The following SGCB variants were observed in gnomAD, a reference collection of about 807,000 sequenced individuals.
The protein encoded by SGCB is beta-sarcoglycan.
A neutral mutation model predicts 27.3 loss-of-function variants in SGCB; 25 were observed. That is an observed-to-expected ratio of 0.92 (90% CI 0.67 to 1.28). The LOEUF (loss-of-function observed/expected upper bound fraction) is 1.28, where lower values mean the gene tolerates loss of function less well. SGCB is among the 50% of genes most tolerant of loss of function. The pLI, the probability that SGCB is intolerant of heterozygous loss-of-function variation, is 0.00. For synonymous variants in SGCB, 147 were observed against 133.5 expected, an observed-to-expected ratio of 1.10 and a Z score of -0.70; for missense variants, 436 against 402.1, an observed-to-expected ratio of 1.08 and a Z score of -0.72.
At chr4:52,024,797 C>T (rs1332411139) in intron 5 of SGCB, among the ~76,000 whole-genome samples, 2 of 132,278 alleles carry the variant, frequency 1.5e-5, no homozygotes. Flanking sequence ...CGCTGCACTC[C>T]AGCCTGGGTG....
chr4:52,028,134 T>G (rs750590309), intron 4 of SGCB, 35 bp from the exon 5 acceptor site: 2 of 1,525,708 alleles, frequency 1.3e-6, no homozygotes, highest in Non-Finnish European at 1.8e-6. Flanking sequence ...AAAAAGAGTT[T>G]CTAAATTAAT....
At chr4:52,031,764 C>T (rs1197215272) in intron 2 of SGCB, 4 of 320,582 alleles carry the variant, frequency 1.2e-5, no homozygotes, top group African/African-American at 6.5e-5. Context: ...TGATCCCTGG[C>T]TCAGTATTCA....
intron 5 of SGCB, among the ~76,000 whole-genome samples, chr4:52,024,383 A>G (rs951990598): frequency 6.6e-6 from 1 of 152,210 alleles, no homozygotes; most frequent in African/African-American, 2.4e-5. Context: ...AATCTGCAAC[A>G]TAATTCCTCT....
intron 5 of SGCB, among the ~76,000 whole-genome samples, chr4:52,024,401 GT>G (rs1325308154): frequency 1.3e-5 from 2 of 152,126 alleles, no homozygotes; most frequent in Non-Finnish European, 2.9e-5. Context: ...TCTATTGTTA[GT>G]TAAAATTACA....
intron 4 of SGCB, 62 bp from the exon 5 acceptor site, chr4:52,028,161 GAGAT>G: frequency 7.5e-7 from 1 of 1,327,708 alleles, no homozygotes; most frequent in Non-Finnish European, 1.1e-6. Flanking sequence ...ATTGTTATCA[GAGAT>G]AGAGAAATAG....
At chr4:52,034,581 A>G (rs1170314889) in intron 1 of SGCB, among the ~76,000 whole-genome samples, 7 of 152,038 alleles carry the variant, frequency 4.6e-5, no homozygotes, top group South Asian at 4.1e-4. Context: ...TTGAGCATCA[A>G]TGGATTTGGC....
chr4:52,024,496 A>C (rs1476884359), intron 5 of SGCB, among the ~76,000 whole-genome samples: 2 of 152,164 alleles, frequency 1.3e-5, no homozygotes, highest in African/African-American at 2.4e-5. Flanking sequence ...GAACTATAAC[A>C]AAGGTACTGA....
chr4:52,031,120 T>TTA (rs1737232220), intron 2 of SGCB, among the ~76,000 whole-genome samples: 1 of 152,128 alleles, frequency 6.6e-6, no homozygotes, highest in Non-Finnish European at 1.5e-5. Flanking sequence ...AATAATGGCC[T>TTA]TGTTGTGTCT....
rs225170 is a variant in SGCB at position 52,029,884 on chromosome 4, A to G, written c.244-21T>C. The G allele has an allele frequency of 0.52, 834,057 of 1,589,616 alleles. 228,198 individuals carry two copies. The highest frequency in any genetic ancestry group is 0.58 in the Admixed American group (35,032 of 59,938). On this transcript the variant is annotated intron_variant, in intron 2 of 5. Transcript: ENST00000381431. Reference sequence around the variant, plus strand: ...GTTATCTGAAAAAGAACACAAGTCCACTGTTGGTAGGCCGCATACATTTAA... The same window carrying G: ...GTTATCTGAAAAAGAACACAAGTCCGCTGTTGGTAGGCCGCATACATTTAA...
chr4:52,037,698 G>A (rs1737432331), intron 1 of SGCB, among the ~76,000 whole-genome samples: 1 of 152,196 alleles, frequency 6.6e-6, no homozygotes, highest in Non-Finnish European at 1.5e-5. Context: ...ACAGGAGATA[G>A]TTTTAGACTG....
rs768838951 is a variant in SGCB, at chr4:52,038,236, AGCCGCCGCC to A, written c.15_23del (p.Ala7_Ala9del). 3.9e-6 allele frequency: 5 copies of A among 1,286,252 alleles called. No individual in the cohort carries two copies. The highest frequency in any genetic ancestry group is 6.7e-5 in the East Asian group (2 of 29,916). The allele number at this position is 1,286,252 out of a possible 1,614,324, so 79.7% of individuals were successfully genotyped here. A position where few individuals can be genotyped will look rare whatever the true frequency, so the allele number is the denominator to read the frequency against. On this transcript the variant is annotated inframe_deletion, in exon 1 of 6. Transcript: ENST00000381431. ...GGCGGTACTCACAGACCTGTTCTGC[AGCCGCCGCC>A]GCCGCTGCCGCCATCTTCCCGCGCC... is the stretch of plus-strand genomic sequence containing the variant.
At chr4:52,031,010 C>T (rs1335672061) in intron 2 of SGCB, among the ~76,000 whole-genome samples, 1 of 152,076 alleles carries the variant, frequency 6.6e-6, no homozygotes, top group Admixed American at 6.6e-5. Context: ...TTTGGGAGGT[C>T]CTATTCCATT....
intron 2 of SGCB, among the ~76,000 whole-genome samples, chr4:52,032,792 C>T (rs757369564): frequency 3.9e-5 from 6 of 152,178 alleles, no homozygotes; most frequent in Non-Finnish European, 1.5e-5. Flanking sequence ...AATATCTGTA[C>T]ATGCACATGC....
rs747259092 is a variant in SGCB, at chr4:52,028,857, T to G, written c.494A>C (p.Asp165Ala). The change falls in exon 4 of 6, where the codon GAC becomes GCC. Residue 165 changes from aspartate to alanine, a missense_variant. Asp to Ala is a moderately radical substitution (Grantham distance 126, BLOSUM62 -2). Transcript: ENST00000381431. ...VENNKTSITSDIGMQFFDPRT... is the reference protein window; with the variant it reads ...VENNKTSITSAIGMQFFDPRT... ...CGGGTCAAAAAACTGCATGCCGATG[T>G]CACTTGTAATAGAAGTTTTGTTGTT... The G allele has an allele frequency of 6.2e-7, 1 of 1,613,926 alleles. No homozygotes were observed. The highest frequency in any genetic ancestry group is 1.1e-5 in the South Asian group (1 of 91,080).
chr4:52,027,630 T>C (rs1264160730), intron 5 of SGCB, among the ~76,000 whole-genome samples: 1 of 130,472 alleles, frequency 7.7e-6, no homozygotes, highest in Non-Finnish European at 1.7e-5. Flanking sequence ...GTGATCATTA[T>C]ACAAAAAAAA....
chr4:52,024,827 C>CAAAAA (rs3050627), intron 5 of SGCB, among the ~76,000 whole-genome samples: 1 of 55,908 alleles, frequency 1.8e-5, no homozygotes, highest in Non-Finnish European at 3.0e-5. Context: ...GACACTGTCT[C>CAAAAA]AAAAAAAAAA....
In SGCB at chr4:52,037,376, G is replaced by A. The variant is rs916044267; in HGVS notation, c.33+851C>T. 1.4e-4 allele frequency among the ~76,000 whole-genome samples: 22 copies of A among 152,052 alleles called. 1 individual carries two copies. Among genetic ancestry groups the A allele is most frequent in the Admixed American group, 9.8e-4 (15 of 15,276 alleles). ...AAAAAGTTAATTATCTAAGAAAATC[G>A]TTCCAAAGGTCAAAACTTGACTCAT... On this transcript the variant is annotated intron_variant, in intron 1 of 5. Transcript: ENST00000381431.
intron 5 of SGCB, among the ~76,000 whole-genome samples, chr4:52,025,460 C>CGG (rs1164463347): frequency 2.6e-5 from 4 of 152,040 alleles, no homozygotes; most frequent in Non-Finnish European, 5.9e-5. Flanking sequence ...GCAAAGGCCC[C>CGG]GAGGTGAAGA....
In SGCB at chr4:52,033,660, T is replaced by A; in HGVS notation, c.34-20A>T. The A allele has an allele frequency of 1.3e-6, 2 of 1,569,884 alleles. No homozygotes were observed. The highest frequency in any genetic ancestry group is 1.8e-6 in the Non-Finnish European group (2 of 1,140,208). On this transcript the variant is annotated intron_variant, in intron 1 of 5. Coordinates refer to ENST00000381431, the MANE Select transcript of SGCB (RefSeq NM_000232.5). The stretch of plus-strand genomic sequence containing the variant: ...ACTTTGCTAAAAATGAAATACAACA[T>A]AATGGAACAGCTATACCCTCTCGTT...
Sources: allele counts gnomAD v4.1 joint callset (sites outside exome capture counted in the v4.1 genomes callset), GRCh38; gene constraint gnomAD v4.1.1; transcripts MANE v1.5; gene names NCBI Gene and HGNC (gene_info 2026-07-23, HGNC 2026-07-21).